The following YWHAE variants were observed in gnomAD, a reference collection of about 807,000 sequenced individuals.
The protein encoded by YWHAE is tyrosine 3-monooxygenase/tryptophan 5-monooxygenase activation protein epsilon.
YWHAE carries 4 observed loss-of-function variants against 30.1 expected under a neutral mutation model. That is an observed-to-expected ratio of 0.13 (90% CI 0.07 to 0.30). YWHAE has a LOEUF of 0.30. Ranked by LOEUF, YWHAE falls within the 10% of genes least tolerant of loss-of-function variation. The probability of loss-of-function intolerance (pLI) is 1.00; values close to 1 mark genes in which losing one functional copy is unlikely to be tolerated. For missense variants in YWHAE, 121 were observed against 315.9 expected (o/e 0.38, Z 4.68); for synonymous variants, 118 against 111.8 (o/e 1.06, Z -0.35).
intron 1 of YWHAE, among the ~76,000 whole-genome samples, chr17:1,366,457 G>A (rs1292153583): frequency 1.3e-5 from 2 of 152,060 alleles, no homozygotes; most frequent in Non-Finnish European, 2.9e-5. Context: ...AGAATTGCTT[G>A]AACCCAGGAG....
chr17:1,358,746 C>T (rs1181571477), intron 4 of YWHAE, among the ~76,000 whole-genome samples: 1 of 149,324 alleles, frequency 6.7e-6, no homozygotes, highest in Non-Finnish European at 1.5e-5. Flanking sequence ...ACCAGAATCG[C>T]TTGAATCTGG....
At chr17:1,367,745 A>G (rs2072966707) in intron 1 of YWHAE, among the ~76,000 whole-genome samples, 1 of 152,160 alleles carries the variant, frequency 6.6e-6, no homozygotes, top group African/African-American at 2.4e-5. Context: ...TATTAAGTGA[A>G]AAGAGTCAGA....
chr17:1,372,380 A>G (rs2073056603), intron 1 of YWHAE, among the ~76,000 whole-genome samples: 1 of 152,178 alleles, frequency 6.6e-6, no homozygotes, highest in South Asian at 2.1e-4. Flanking sequence ...CTTTCTCATC[A>G]TTGCTGTGTT....
At chr17:1,396,495 CA>C (rs1055463290) in intron 1 of YWHAE, among the ~76,000 whole-genome samples, 2 of 152,172 alleles carry the variant, frequency 1.3e-5, no homozygotes, top group Admixed American at 1.3e-4. Context: ...ACATGACCAT[CA>C]AAACTTCATC....
rs541319088 is a variant in YWHAE, at chr17:1,354,479, C to G, written c.579-132G>C. ...TCACAATGATAATGCAAAGAAAAAG[C>G]AAATACAATAAAAATTAACTTAAAG... On this transcript the variant is annotated intron_variant, in intron 4 of 5. Coordinates refer to ENST00000264335, the MANE Select transcript of YWHAE (RefSeq NM_006761.5). 2.2e-5 allele frequency: 20 copies of G among 904,632 alleles called. No homozygotes were observed. In the South Asian group the frequency reaches 2.8e-4, roughly 13 times the overall value. 56.0% of individuals were successfully genotyped at this position (904,632 alleles called of 1,614,324 possible). A position where few individuals can be genotyped will look rare whatever the true frequency, so the allele number is the denominator to read the frequency against.
chr17:1,358,179 A>T (rs781152857), intron 4 of YWHAE, among the ~76,000 whole-genome samples: 29 of 152,132 alleles, frequency 1.9e-4, no homozygotes, highest in Non-Finnish European at 1.0e-4. Flanking sequence ...ACTTGAGGCC[A>T]GGATTTCAAG....
At position 1,345,458 on chromosome 17, in the gene YWHAE, C is replaced by A. The variant is rs1241945941; in HGVS notation, c.757G>T (p.Glu253Ter). 1 of 1,613,766 alleles carries A rather than the reference C, an allele frequency of 6.2e-7. No homozygotes were observed. Among genetic ancestry groups the A allele is most frequent in the East Asian group, 2.2e-5 (1 of 44,878 alleles). ...NKEALQDVEDENQ is the reference protein window; with the variant it reads ...NKEALQDVED ...TGTTGGCTTATGTCTCACTGATTTT[C>A]GTCTTCCACGTCCTGCAGCGCTTCT... Residue 253 changes from glutamate (E) to a stop codon, truncating the protein, a stop_gained, in exon 6 of 6, where the codon GAA becomes TAA. Transcript: ENST00000264335. LOFTEE classifies it high-confidence loss of function.
intron 1 of YWHAE, among the ~76,000 whole-genome samples, chr17:1,376,423 A>G (rs1036873097): frequency 3.3e-5 from 5 of 152,140 alleles, no homozygotes; most frequent in African/African-American, 1.2e-4. Flanking sequence ...GAAAAGAAGG[A>G]AAGAAGTTCA....
At chr17:1,351,994 G>C (rs984441020) in intron 5 of YWHAE, 10 of 151,248 alleles carry the variant, frequency 6.6e-5, no homozygotes, top group African/African-American at 2.4e-4. Flanking sequence ...ATGTTGCCCA[G>C]GCTGGTCTTG....
intron 4 of YWHAE, among the ~76,000 whole-genome samples, chr17:1,359,926 A>C (rs1365917056): frequency 2.2e-4 from 1 of 4,452 alleles, no homozygotes. Flanking sequence ...GGGGAGGGGG[A>C]GGGGGGGAGG....
Position 1,345,517 on chromosome 17 carries a change from A to C in YWHAE, c.716-18T>G. ...CTCTTCACCTGTTAAAAAAGAAAAA[A>C]AGTCAATTATTTCGTATTGACTACA... On this transcript the variant is annotated intron_variant, in intron 5 of 5. Coordinates refer to ENST00000264335, the MANE Select transcript of YWHAE (RefSeq NM_006761.5). 3.1e-6 allele frequency: 5 copies of C among 1,613,122 alleles called. No homozygotes were observed. Among genetic ancestry groups the C allele is most frequent in the Non-Finnish European group, 4.2e-6 (5 of 1,179,774 alleles).
intron 1 of YWHAE, among the ~76,000 whole-genome samples, chr17:1,370,571 C>T (rs2073024198): frequency 6.6e-6 from 1 of 152,112 alleles, no homozygotes; most frequent in African/African-American, 2.4e-5. Context: ...GCTGAGACTA[C>T]AAGTGGGCGC....
In YWHAE at chr17:1,381,933, A is replaced by AAG. The variant is rs1491485583; in HGVS notation, c.65-16876_65-16875insCT. 5.9e-4 allele frequency among the ~76,000 whole-genome samples: 85 copies of AAG among 144,146 alleles called. 1 individual carries two copies. Among genetic ancestry groups the AAG allele is most frequent in the Middle Eastern group, 3.6e-3 (1 of 278 alleles). 94.6% of individuals were successfully genotyped at this position (144,146 alleles called of 152,430 possible). ...GTCAAAAAAAAAAAAAAAAAAAAAA[A>AAG]GACAGGCAGACAGAAAAGGAAAAAA... On this transcript the variant is annotated intron_variant, in intron 1 of 5. Coordinates refer to ENST00000264335, the MANE Select transcript of YWHAE (RefSeq NM_006761.5).
At chr17:1,349,650 G>A (rs1350238239) in intron 5 of YWHAE, among the ~76,000 whole-genome samples, 1 of 148,150 alleles carries the variant, frequency 6.7e-6, no homozygotes, top group Non-Finnish European at 1.5e-5. Flanking sequence ...GTCTTGCTCT[G>A]TCGCCCAGGC....
intron 4 of YWHAE, among the ~76,000 whole-genome samples, chr17:1,359,173 G>A (rs1031081764): frequency 6.6e-6 from 1 of 151,828 alleles, no homozygotes; most frequent in South Asian, 2.1e-4. Flanking sequence ...GAAAAGAAAA[G>A]GCCAGGTATG....
intron 1 of YWHAE, among the ~76,000 whole-genome samples, chr17:1,377,844 T>A (rs1421432296): frequency 2.0e-5 from 3 of 151,872 alleles, no homozygotes; most frequent in Non-Finnish European, 4.4e-5. Flanking sequence ...AGGTCAGGAG[T>A]TCGAGACCAG....
chr17:1,364,937 T>A lies in YWHAE; in HGVS notation c.186A>T (p.Ile62=). The A allele has an allele frequency of 6.2e-7, 1 of 1,614,160 alleles. No homozygotes were observed. The highest frequency in any genetic ancestry group is 1.3e-5 in the African/African-American group (1 of 75,046). Residue 62 remains isoleucine, a synonymous_variant, in exon 2 of 6, where the codon ATA becomes ATT. Coordinates refer to ENST00000264335, the MANE Select transcript of YWHAE (RefSeq NM_006761.5). ...VIGARRASWR[I]ISSIEQKEEN... ...CTTCTTTCTGTTCAATGCTGCTGATTATTCTCCAGGAGGCTCTTCTAGCTC... is the reference window on the plus strand; with the variant it reads ...CTTCTTTCTGTTCAATGCTGCTGATAATTCTCCAGGAGGCTCTTCTAGCTC...
chr17:1,356,910 T>C (rs2072754574), intron 4 of YWHAE, among the ~76,000 whole-genome samples: 1 of 151,642 alleles, frequency 6.6e-6, no homozygotes, highest in Admixed American at 6.6e-5. Flanking sequence ...TTTGAAAGGC[T>C]TTCACTTAAA....
intron 1 of YWHAE, among the ~76,000 whole-genome samples, chr17:1,383,500 G>A (rs1437806162): frequency 6.8e-6 from 1 of 147,298 alleles, no homozygotes. Context: ...CAATTCTCCT[G>A]TCTCAGCCCC....
Sources: allele counts gnomAD v4.1 joint callset (sites outside exome capture counted in the v4.1 genomes callset), GRCh38; gene constraint gnomAD v4.1.1; transcripts MANE v1.5; gene names NCBI Gene and HGNC (gene_info 2026-07-23, HGNC 2026-07-21).